CFAP47: variants seen among roughly 807,000 people sequenced by gnomAD.
CFAP47 encodes the protein cilia and flagella associated protein 47, also known as cilia- and flagella-associated protein 47.
A neutral mutation model predicts 148.1 loss-of-function variants in CFAP47; 29 were observed. The ratio of observed to expected loss-of-function variants is 0.20; its 90% CI spans 0.15 to 0.27. The LOEUF (loss-of-function observed/expected upper bound fraction) is 0.27. Among genes scored for constraint, CFAP47 ranks in the 10% least tolerant of loss-of-function variants. CFAP47 has a pLI of 1.00. For missense variants in CFAP47, 1,872 were observed against 1,697.5 expected, an observed-to-expected ratio of 1.10 and a Z score of -1.81; for synonymous variants, 664 against 577.3, an observed-to-expected ratio of 1.15 and a Z score of -2.15.
intron 51 of CFAP47, among the ~76,000 whole-genome samples, chrX:36,297,504 T>A (rs782531109): frequency 1.1e-4 from 12 of 112,506 alleles, no homozygotes; most frequent in Non-Finnish European, 1.9e-4. Context: ...AATTGAGATG[T>A]GTCCTGTCTA....
At chrX:35,925,853 C>T (rs1935731127) in intron 1 of CFAP47, among the ~76,000 whole-genome samples, 164 bp from the exon 2 acceptor site, 1 of 112,097 alleles carries the variant, frequency 8.9e-6, no homozygotes, top group South Asian at 3.7e-4. Context: ...GAAGGGGTTT[C>T]ACCATGTTGG....
At chrX:35,972,442 G>C (rs1601909728) in intron 13 of CFAP47, among the ~76,000 whole-genome samples, 1 of 110,697 alleles carries the variant, frequency 9.0e-6, no homozygotes, top group Non-Finnish European at 1.9e-5. Flanking sequence ...ATGTTGGCCA[G>C]GCTGGTCTTG....
At chrX:36,178,475 G>GGT (rs1016217302) in intron 39 of CFAP47, among the ~76,000 whole-genome samples, 8 of 110,320 alleles carry the variant, frequency 7.3e-5, no homozygotes, top group Non-Finnish European at 1.1e-4. Flanking sequence ...TGTGTTTGTG[G>GGT]GTGTGTGTGT....
At chrX:36,186,156 A>G (rs1038911505) in intron 40 of CFAP47, among the ~76,000 whole-genome samples, 3 of 112,185 alleles carry the variant, frequency 2.7e-5, no homozygotes, top group African/African-American at 9.7e-5. Flanking sequence ...ATCTTAAGAT[A>G]TGAACTGAGA....
At chrX:36,176,031 G>A (rs1244415033) in intron 39 of CFAP47, among the ~76,000 whole-genome samples, 1 of 112,159 alleles carries the variant, frequency 8.9e-6, no homozygotes, top group Non-Finnish European at 1.9e-5. Flanking sequence ...CATCGGAAAA[G>A]CGCAGTATTC....
intron 45 of CFAP47, among the ~76,000 whole-genome samples, chrX:36,227,015 GA>G (rs1163050400): frequency 1.9e-4 from 21 of 108,023 alleles, no homozygotes; most frequent in South Asian, 7.8e-4. Flanking sequence ...CTTCATCCAA[GA>G]AAAAAAAATG....
At chrX:36,345,828 T>C (rs920198838) in intron 57 of CFAP47, among the ~76,000 whole-genome samples, 2 of 111,865 alleles carry the variant, frequency 1.8e-5, no homozygotes, top group African/African-American at 6.5e-5. Context: ...TATTGATTAT[T>C]ATTAACAATG....
chrX:36,161,863 A>T (rs1939435200), intron 39 of CFAP47, among the ~76,000 whole-genome samples: 1 of 112,373 alleles, frequency 8.9e-6, no homozygotes, highest in Non-Finnish European at 1.9e-5. Flanking sequence ...ATTGGTAAAT[A>T]CCTGGTTCCT....
chrX:36,179,250 T>A, intron 39 of CFAP47, 95 bp from the exon 40 acceptor site: 1 of 281,508 alleles, frequency 3.6e-6, no homozygotes. Flanking sequence ...AAGGATATTT[T>A]GTGAATGATA....
intron 46 of CFAP47, among the ~76,000 whole-genome samples, chrX:36,233,252 T>G (rs6629057): frequency 0.12 from 13,643 of 110,555 alleles, 680 homozygotes; most frequent in East Asian, 0.25. Flanking sequence ...GGGAGTCTAA[T>G]TCTCTTTGTA....
intron 33 of CFAP47, among the ~76,000 whole-genome samples, chrX:36,109,371 CTG>C (rs1938516497): frequency 8.9e-6 from 1 of 112,173 alleles, no homozygotes; most frequent in African/African-American, 3.2e-5. Flanking sequence ...AATCACCACA[CTG>C]TCTTCCACAA....
chrX:36,149,618 T>A (rs201205951), intron 37 of CFAP47, among the ~76,000 whole-genome samples: 5 of 25,997 alleles, frequency 1.9e-4, no homozygotes, highest in Admixed American at 1.9e-3. Context: ...ATTTATTTTA[T>A]TTTTTTTTGA....
At chrX:36,264,637 G>A (rs1034108009) in intron 49 of CFAP47, among the ~76,000 whole-genome samples, 1 of 111,883 alleles carries the variant, frequency 8.9e-6, no homozygotes, top group Non-Finnish European at 1.9e-5. Flanking sequence ...GGTGGGTGAC[G>A]GGTGACATTG....
chrX:35,966,619 A>T lies in CFAP47; in HGVS notation c.1465A>T (p.Met489Leu), dbSNP rs773926677. 137 of 1,151,758 alleles carry T rather than the reference A, an allele frequency of 1.2e-4. No individual in the cohort carries two copies. Among genetic ancestry groups the T allele is most frequent in the Non-Finnish European group, 1.4e-4 (122 of 862,584 alleles). 94.9% of individuals were successfully genotyped at this position (1,151,758 alleles called of 1,213,427 possible). Residue 489 changes from methionine (M) to leucine (L), a missense_variant, in exon 9 of 64, where the codon ATG (methionine) becomes TTG (leucine). By Grantham distance (15) the Met-to-Leu change is conservative. Coordinates refer to ENST00000378653, the MANE Select transcript of CFAP47 (RefSeq NM_001304548.2). ...ACTTGGAGTCTTCAAAGTGAAGCAG[A>T]TGATAGAGATTATTGGTTTAGTGGC... ...HQLGVFKVKQ[M>L]IEIIGLVAEE... is the part of the protein sequence containing the mutation.
chrX:36,368,017 T>A (rs1238934032), intron 62 of CFAP47: 1 of 111,578 alleles, frequency 9.0e-6, no homozygotes, highest in Admixed American at 9.6e-5. Flanking sequence ...TGGTGAACAG[T>A]TAAATGTATA....
chrX:36,330,972 TATAA>T (rs1327013320), intron 57 of CFAP47, among the ~76,000 whole-genome samples: 4 of 111,548 alleles, frequency 3.6e-5, no homozygotes, highest in African/African-American at 9.8e-5. Flanking sequence ...TATCAATATA[TATAA>T]ATAAACACTT....
intron 30 of CFAP47, among the ~76,000 whole-genome samples, chrX:36,087,697 G>T (rs1049433154): frequency 3.9e-4 from 44 of 111,797 alleles, no homozygotes; most frequent in African/African-American, 1.4e-3. Flanking sequence ...CTTTCACAGA[G>T]ATTTACCTTT....
intron 57 of CFAP47, among the ~76,000 whole-genome samples, chrX:36,338,636 GC>G (rs781867267): frequency 9.0e-6 from 1 of 111,379 alleles, no homozygotes; most frequent in African/African-American, 3.3e-5. Context: ...TGCTGTTCCT[GC>G]CCCCCTAACT....
chrX:36,153,529 G>A (rs1209918809), intron 37 of CFAP47, among the ~76,000 whole-genome samples: 2 of 112,101 alleles, frequency 1.8e-5, no homozygotes, highest in African/African-American at 6.5e-5. Context: ...GTCTCTACTG[G>A]TGTGAGGTCT....
Sources: allele counts gnomAD v4.1 joint callset (sites outside exome capture counted in the v4.1 genomes callset), GRCh38; gene constraint gnomAD v4.1.1; transcripts MANE v1.5; gene names NCBI Gene and HGNC (gene_info 2026-07-23, HGNC 2026-07-21).